Variants in GPR158 observed in about 807,000 individuals in gnomAD.
GPR158 encodes the protein metabotropic glycine receptor.
GPR158 carries 30 observed loss-of-function variants against 78.2 expected under a neutral mutation model. The observed-to-expected ratio is 0.38, with a 90% CI of 0.29 to 0.52. The LOEUF is 0.52. Among genes scored for constraint, GPR158 ranks in the 20% least tolerant of loss-of-function variants. The pLI is 0.83. For synonymous variants in GPR158, 581 were observed against 591.1 expected, an observed-to-expected ratio of 0.98 and a Z score of 0.25; for missense variants, 1,463 against 1,523.5, an observed-to-expected ratio of 0.96 and a Z score of 0.66.
At chr10:25,462,580 C>A (rs1377964394) in intron 4 of GPR158, among the ~76,000 whole-genome samples, 1 of 152,150 alleles carries the variant, frequency 6.6e-6, no homozygotes, top group East Asian at 1.9e-4. Context: ...ATTCTAGATG[C>A]CATTGAGAAC....
rs951615414 is a variant in GPR158, at chr10:25,601,433, C to T, written c.*2159C>T. ...TGAACTGGGTTGGAAGTTCCTAGAC[C>T]CACATATTTGTTTCATTTATGTCTG... On this transcript the variant is annotated 3_prime_UTR_variant, in exon 11 of 11. Transcript: ENST00000376351. 1 of 152,578 alleles carries T rather than the reference C, an allele frequency of 6.6e-6. No individual in the cohort carries two copies. The highest frequency in any genetic ancestry group is 6.5e-5 in the Admixed American group (1 of 15,276). The allele number at this position is 152,578 out of a possible 1,614,324, so 9.5% of individuals were successfully genotyped here.
chr10:25,209,609 C>G (rs1214248697), intron 1 of GPR158, among the ~76,000 whole-genome samples: 1 of 152,034 alleles, frequency 6.6e-6, no homozygotes, highest in Admixed American at 6.6e-5. Flanking sequence ...AAAAGTGTTA[C>G]AGATAAAAAG....
chr10:25,444,393 G>A (rs973494766), intron 4 of GPR158, among the ~76,000 whole-genome samples: 5 of 151,202 alleles, frequency 3.3e-5, no homozygotes, highest in Non-Finnish European at 5.9e-5. Flanking sequence ...TGTGTATGGG[G>A]GTGTCGTGTA....
chr10:25,364,313 G>C (rs575571480), intron 2 of GPR158, among the ~76,000 whole-genome samples: 61 of 151,844 alleles, frequency 4.0e-4, no homozygotes, highest in Middle Eastern at 3.4e-3. Context: ...TCATGACCAG[G>C]GGCCTTAGAA....
At chr10:25,393,359 C>A (rs889231862) in intron 2 of GPR158, among the ~76,000 whole-genome samples, 1 of 152,146 alleles carries the variant, frequency 6.6e-6, no homozygotes, top group Admixed American at 6.5e-5. Flanking sequence ...TTCAAGAATT[C>A]TAATGTAGTC....
In GPR158 at chr10:25,598,854, C is replaced by T; in HGVS notation, c.3228C>T (p.Ser1076=). The stretch of plus-strand genomic sequence containing the variant: ...AGGCTGAAGTATGCCTTTGGGAGAG[C>T]CAAGGCCAGTCCATTTTGGAAGATG... The part of the protein sequence containing the change: ...IDKAEVCLWE[S]QGQSILEDEK... Residue 1076 remains serine, a synonymous_variant, in exon 11 of 11, where the codon AGC becomes AGT. Transcript: ENST00000376351. The T allele has an allele frequency of 1.9e-6, 3 of 1,614,076 alleles. No individual in the cohort carries two copies. Among genetic ancestry groups the T allele is most frequent in the Non-Finnish European group, 2.5e-6 (3 of 1,180,014 alleles).
Position 25,598,237 on chromosome 10 carries a change from G to A in GPR158, c.2611G>A (p.Glu871Lys), listed in dbSNP as rs1451450463. 1 of 1,614,064 alleles carries A rather than the reference G, an allele frequency of 6.2e-7. No individual in the cohort carries two copies. The highest frequency in any genetic ancestry group is 8.5e-7 in the Non-Finnish European group (1 of 1,180,014). ...LKEDSEAEST[E>K]SVPLVCKSAS... ...AGAAGACAGCGAGGCTGAGTCCACG[G>A]AGTCGGTGCCGTTGGTGTGCAAGTC... The change falls in exon 11 of 11, where the codon GAG becomes AAG. Residue 871 changes from glutamate (E) to lysine (K), a missense_variant. By Grantham distance (56) the Glu-to-Lys change is moderately conservative. Coordinates refer to ENST00000376351, the MANE Select transcript of GPR158 (RefSeq NM_020752.3).
At chr10:25,340,912 C>T (rs1424500566) in intron 2 of GPR158, among the ~76,000 whole-genome samples, 2 of 151,914 alleles carry the variant, frequency 1.3e-5, no homozygotes, top group East Asian at 1.9e-4. Context: ...AAATGAAAAC[C>T]AAAACTATAC....
intron 5 of GPR158, among the ~76,000 whole-genome samples, chr10:25,481,061 AAC>A (rs1355358685): frequency 5.9e-5 from 9 of 152,276 alleles, no homozygotes; most frequent in African/African-American, 2.2e-4. Context: ...CAAAATAAAT[AAC>A]ACAGAAGCGG....
chr10:25,474,328 G>A (rs773867607), intron 5 of GPR158, among the ~76,000 whole-genome samples: 5 of 152,048 alleles, frequency 3.3e-5, no homozygotes, highest in Non-Finnish European at 7.4e-5. Context: ...ACTATTTATA[G>A]TGGCTATAGG....
At chr10:25,509,157 C>T (rs1028974564) in intron 5 of GPR158, among the ~76,000 whole-genome samples, 3 of 152,078 alleles carry the variant, frequency 2.0e-5, no homozygotes, top group African/African-American at 7.2e-5. Flanking sequence ...GCACCGCCTC[C>T]CTCACTGTGA....
At chr10:25,315,738 A>G (rs201153847) in intron 2 of GPR158, among the ~76,000 whole-genome samples, 30,586 of 151,850 alleles carry the variant, frequency 0.2, 5,182 homozygotes, top group African/African-American at 0.47. Context: ...AAAGTTTTAA[A>G]GTTAGGAAGG....
At chr10:25,569,693 T>C (rs1431407098) in intron 6 of GPR158, among the ~76,000 whole-genome samples, 1 of 152,180 alleles carries the variant, frequency 6.6e-6, no homozygotes, top group African/African-American at 2.4e-5. Flanking sequence ...CTTATATCTT[T>C]TCCACTTTCC....
chr10:25,222,658 A>G (rs1853314799), intron 2 of GPR158, among the ~76,000 whole-genome samples: 1 of 152,134 alleles, frequency 6.6e-6, no homozygotes, highest in South Asian at 2.1e-4. Context: ...CTTTAGCCTG[A>G]TTATCATCTC....
intron 2 of GPR158, among the ~76,000 whole-genome samples, chr10:25,360,859 G>A (rs1379107371): frequency 6.6e-6 from 1 of 152,010 alleles, no homozygotes. Flanking sequence ...GGGCAGTGTG[G>A]CCATTTTCAT....
intron 2 of GPR158, among the ~76,000 whole-genome samples, chr10:25,301,766 G>A (rs1854598858): frequency 6.6e-6 from 1 of 152,124 alleles, no homozygotes; most frequent in Non-Finnish European, 1.5e-5. Flanking sequence ...TACGTATAAT[G>A]AAATACATAT....
chr10:25,176,170 G>T lies in GPR158; in HGVS notation c.750G>T (p.Trp250Cys). Residue 250 changes from tryptophan to cysteine, a missense_variant, in exon 1 of 11, where the codon TGG becomes TGT. Transcript: ENST00000376351. This position sits in a 1 kb window ranked among gnomAD's most constrained non-coding sequence, Gnocchi z 6.3. ...NQGPRGLGHS[W>C]RRKDGLGGDK... The stretch of plus-strand genomic sequence containing the variant: ...GGCCCCGGGGCCTGGGCCACAGCTG[G>T]CGGCGCAAGGACGGGCTCGGCGGGG... The T allele has an allele frequency of 6.3e-7, 1 of 1,578,722 alleles. No homozygotes were observed. The highest frequency in any genetic ancestry group is 8.6e-7 in the Non-Finnish European group (1 of 1,163,790).
At chr10:25,265,620 C>T (rs1397939507) in intron 2 of GPR158, among the ~76,000 whole-genome samples, 1 of 152,120 alleles carries the variant, frequency 6.6e-6, no homozygotes, top group African/African-American at 2.4e-5. Flanking sequence ...GATCTATTAG[C>T]ACCTAGCTCT....
At chr10:25,208,381 C>CT (rs1160221561) in intron 1 of GPR158, among the ~76,000 whole-genome samples, 2 of 152,162 alleles carry the variant, frequency 1.3e-5, no homozygotes, top group Non-Finnish European at 2.9e-5. Context: ...GAGGAAAACA[C>CT]TTTTTAAAAG....
Sources: gnomAD v4.1 joint callset for allele counts (sites outside exome capture counted in the v4.1 genomes callset) on GRCh38, gnomAD v4.1.1 for gene constraint, Gnocchi (gnomAD v3.1) non-coding constraint, MANE v1.5 for transcripts, NCBI Gene and HGNC (gene_info 2026-07-23, HGNC 2026-07-21) for gene names.